The following PSTPIP2 variants were observed in gnomAD, a reference collection of about 807,000 sequenced individuals.
The protein encoded by PSTPIP2 is proline-serine-threonine phosphatase-interacting protein 2.
A neutral mutation model predicts 63.3 loss-of-function variants in PSTPIP2; 33 were observed. The observed-to-expected ratio is 0.52, with a 90% CI of 0.40 to 0.70. The LOEUF is 0.70. Ranked by LOEUF, PSTPIP2 falls within the 30% of genes least tolerant of loss-of-function variation. The pLI, the probability that PSTPIP2 is intolerant of heterozygous loss-of-function variation, is 0.00. For synonymous variants in PSTPIP2, 125 were observed against 132.7 expected, an observed-to-expected ratio of 0.94 and a Z score of 0.40; for missense variants, 312 against 400.7, an observed-to-expected ratio of 0.78 and a Z score of 1.89.
intron 6 of PSTPIP2, among the ~76,000 whole-genome samples, chr18:46,001,704 C>T (rs1324167864): frequency 1.3e-5 from 2 of 152,090 alleles, no homozygotes. Flanking sequence ...CCTTAGCAAC[C>T]ACCATTCTAT....
chr18:46,054,033 T>C (rs1220367226), intron 1 of PSTPIP2, among the ~76,000 whole-genome samples: 4 of 152,218 alleles, frequency 2.6e-5, no homozygotes, highest in Non-Finnish European at 5.9e-5. Context: ...CTATATGGTA[T>C]GGCCTATTGC....
chr18:46,064,543 A>C (rs1599752626), intron 1 of PSTPIP2, among the ~76,000 whole-genome samples: 2 of 138,416 alleles, frequency 1.4e-5, no homozygotes, highest in Admixed American at 7.7e-5. Flanking sequence ...CAGGTGATTC[A>C]CCCGCCTGGG....
At chr18:45,998,468 C>G (rs2051627182) in intron 8 of PSTPIP2, among the ~76,000 whole-genome samples, 1 of 152,178 alleles carries the variant, frequency 6.6e-6, no homozygotes, top group Admixed American at 6.5e-5. Context: ...AAAGCCGCTA[C>G]CACATGACTC....
At chr18:46,051,421 G>A (rs1451768361) in intron 1 of PSTPIP2, among the ~76,000 whole-genome samples, 1 of 152,010 alleles carries the variant, frequency 6.6e-6, no homozygotes, top group Non-Finnish European at 1.5e-5. Context: ...GTTGCAGTGA[G>A]CCAAGATCGC....
intron 6 of PSTPIP2, among the ~76,000 whole-genome samples, chr18:46,003,166 T>C (rs749490507): frequency 6.6e-6 from 1 of 152,130 alleles, no homozygotes; most frequent in Non-Finnish European, 1.5e-5. Flanking sequence ...TACTGGAAAG[T>C]GGTTAAAGTT....
rs1045077400 is a variant in PSTPIP2 at position 46,013,230 on chromosome 18, G to A, written c.248-1943C>T. Among the ~76,000 whole-genome samples, 30 of 152,290 alleles carry A rather than the reference G, an allele frequency of 2.0e-4. No individual in the cohort carries two copies. The South Asian group carries it at 4.8e-3, about 24-fold the overall frequency. On this transcript the variant is annotated intron_variant, in intron 4 of 14. Coordinates refer to ENST00000409746, the MANE Select transcript of PSTPIP2 (RefSeq NM_024430.4). The stretch of plus-strand genomic sequence containing the variant: ...TGGCCTCACAGTGCATATAAGGAAC[G>A]TGAAAAGTTACTGTCTCTACTCTGA...
chr18:46,029,186 T>C (rs1907699341), intron 2 of PSTPIP2: 3 of 1,026,296 alleles, frequency 2.9e-6, no homozygotes, highest in African/African-American at 1.5e-5. Context: ...ACATGCTAGC[T>C]GGAAATTAAT....
chr18:46,022,781 C>A (rs1179428247), intron 3 of PSTPIP2, among the ~76,000 whole-genome samples: 1 of 151,962 alleles, frequency 6.6e-6, no homozygotes, highest in African/African-American at 2.4e-5. Flanking sequence ...AAATGAATGA[C>A]TGAAAAATTA....
chr18:46,058,315 T>C (rs186337699), intron 1 of PSTPIP2, among the ~76,000 whole-genome samples: 61 of 152,236 alleles, frequency 4.0e-4, no homozygotes, highest in African/African-American at 1.4e-3. Flanking sequence ...CTGTATTGTT[T>C]TGATATTTTA....
chr18:46,016,467 C>G (rs2051853239), intron 3 of PSTPIP2, among the ~76,000 whole-genome samples: 1 of 152,226 alleles, frequency 6.6e-6, no homozygotes. Context: ...CATTTACATT[C>G]ATTTAGTCAA....
chr18:45,993,515 G>A, intron 10 of PSTPIP2, 90 bp downstream of exon 10: 3 of 1,279,330 alleles, frequency 2.3e-6, no homozygotes, highest in East Asian at 2.4e-5. Flanking sequence ...TTCACCAAGG[G>A]CAAAGTGAAC....
chr18:46,022,291 G>GTGTA (rs1225485552), intron 3 of PSTPIP2, among the ~76,000 whole-genome samples: 3 of 151,804 alleles, frequency 2.0e-5, no homozygotes, highest in Non-Finnish European at 4.4e-5. Flanking sequence ...ATGTGTGTGT[G>GTGTA]TGTGTGTTGC....
chr18:46,025,834 G>A (rs561720178), intron 2 of PSTPIP2, among the ~76,000 whole-genome samples: 91 of 152,178 alleles, frequency 6.0e-4, no homozygotes, highest in Non-Finnish European at 1.1e-3. Flanking sequence ...GGCTCACTGC[G>A]ACCTCCGCCT....
intron 3 of PSTPIP2, among the ~76,000 whole-genome samples, chr18:46,021,848 CAAAAAAAAAAAA>C (rs59094808): frequency 1.2e-4 from 4 of 33,284 alleles, no homozygotes; most frequent in Non-Finnish European, 2.6e-4. Context: ...GACTCTGTCT[CAAAAAAAAAAAA>C]AAAAAAAAAA....
At chr18:46,053,825 G>A (rs993229314) in intron 1 of PSTPIP2, among the ~76,000 whole-genome samples, 2 of 152,266 alleles carry the variant, frequency 1.3e-5, no homozygotes, top group East Asian at 3.9e-4. Flanking sequence ...GACATGAGGG[G>A]ATCTTAAATG....
At chr18:46,043,320 G>C (rs1311549615) in intron 1 of PSTPIP2, among the ~76,000 whole-genome samples, 1 of 150,256 alleles carries the variant, frequency 6.7e-6, no homozygotes, top group African/African-American at 2.5e-5. Flanking sequence ...GAGCCTGGGA[G>C]ATCGAGGCTG....
At chr18:46,037,913 T>C (rs1256799737) in intron 2 of PSTPIP2, among the ~76,000 whole-genome samples, 1 of 152,254 alleles carries the variant, frequency 6.6e-6, no homozygotes, top group African/African-American at 2.4e-5. Flanking sequence ...CAACAATTTT[T>C]ATTCTCCATT....
chr18:46,043,992 A>G (rs1310323306), intron 1 of PSTPIP2, among the ~76,000 whole-genome samples: 1 of 152,198 alleles, frequency 6.6e-6, no homozygotes, highest in East Asian at 1.9e-4. Flanking sequence ...ATGGAAGAAG[A>G]CCTAAATAAA....
At chr18:45,985,589 T>G (rs79723750) in intron 14 of PSTPIP2, 139 bp from the exon 15 acceptor site, 18,968 of 732,062 alleles carry the variant, frequency 0.026, 318 homozygotes, top group African/African-American at 0.031. Context: ...TTCCAAGCAA[T>G]GAGAAATGGA....
Sources: gnomAD v4.1 joint callset for allele counts (sites outside exome capture counted in the v4.1 genomes callset) on GRCh38, gnomAD v4.1.1 for gene constraint, MANE v1.5 for transcripts, NCBI Gene and HGNC (gene_info 2026-07-23, HGNC 2026-07-21) for gene names.